Variants in LRP6 observed in about 807,000 individuals in gnomAD.
LRP6 encodes the protein low-density lipoprotein receptor-related protein 6.
LRP6 carries 43 observed loss-of-function variants against 184.1 expected under a neutral mutation model. The ratio of observed to expected loss-of-function variants is 0.23; its 90% confidence interval spans 0.18 to 0.30. LRP6 has a LOEUF of 0.30. LRP6 is among the 10% of genes least tolerant of loss of function. LRP6 has a pLI of 1.00. For synonymous variants in LRP6, 719 were observed against 684.9 expected (o/e 1.05, Z -0.78); for missense variants, 1,571 against 2,005.3 (o/e 0.78, Z 4.14).
intron 3 of LRP6, among the ~76,000 whole-genome samples, chr12:12,202,222 C>T (rs979128602): frequency 2.0e-5 from 3 of 152,232 alleles, no homozygotes; most frequent in Non-Finnish European, 4.4e-5. Flanking sequence ...GAGCAAACTA[C>T]AGCCCACAGG....
intron 1 of LRP6, among the ~76,000 whole-genome samples, chr12:12,249,817 A>G (rs148128597): frequency 4.6e-5 from 7 of 152,274 alleles, no homozygotes; most frequent in African/African-American, 1.4e-4. Flanking sequence ...CTGTCCCTCT[A>G]ACTTTTTGTT....
chr12:12,146,714 A>T (rs1488449713), intron 15 of LRP6, among the ~76,000 whole-genome samples: 1 of 152,226 alleles, frequency 6.6e-6, no homozygotes, highest in African/African-American at 2.4e-5. Context: ...CAGTGACATT[A>T]AAACCATGCT....
At chr12:12,177,592 A>T (rs1863226979) in intron 7 of LRP6, among the ~76,000 whole-genome samples, 1 of 152,164 alleles carries the variant, frequency 6.6e-6, no homozygotes. Flanking sequence ...CAGATTTTAC[A>T]TCAACATAAG....
chr12:12,226,343 G>A (rs1864622811), intron 2 of LRP6, among the ~76,000 whole-genome samples: 1 of 152,162 alleles, frequency 6.6e-6, no homozygotes, highest in Non-Finnish European at 1.5e-5. Flanking sequence ...GACAGAGCAA[G>A]TACCATAACC....
At chr12:12,224,667 T>C (rs1018239273) in intron 2 of LRP6, among the ~76,000 whole-genome samples, 3 of 152,218 alleles carry the variant, frequency 2.0e-5, no homozygotes, top group Non-Finnish European at 4.4e-5. Flanking sequence ...CACTTCAAAC[T>C]TCCTATATAT....
rs373822512 is a variant in LRP6, at chr12:12,254,534, G to A, written c.56-9879C>T. Among the ~76,000 whole-genome samples the A allele has an allele frequency of 2.0e-4, 31 of 152,024 alleles. No homozygotes were observed. The East Asian group carries it at 5.6e-3, about 27-fold the overall frequency. On this transcript the variant is annotated intron_variant, in intron 1 of 22. Coordinates refer to ENST00000261349, the MANE Select transcript of LRP6 (RefSeq NM_002336.3). The stretch of plus-strand genomic sequence containing the variant: ...ATAAACACTTATCTTTTTCTCCCCC[G>A]TCTTACTCCTCCAGAATTCAAAAAC...
In LRP6 at chr12:12,120,409, G is replaced by GA. The variant is rs1486078520; in HGVS notation, c.*716dup. The GA allele has an allele frequency of 1.3e-5, 2 of 152,010 alleles. No homozygotes were observed. The highest frequency in any genetic ancestry group is 2.1e-4 in the South Asian group (1 of 4,820). The allele number at this position is 152,010 out of a possible 1,614,324, so 9.4% of individuals were successfully genotyped here. A position where few individuals can be genotyped will look rare whatever the true frequency, so the allele number is the denominator to read the frequency against. ...AGGCAGCAAGGTAAACATACCTAGAGAAAAAAATTCATTTTGACAGAGGTA... is the reference window on the plus strand; with the variant it reads ...AGGCAGCAAGGTAAACATACCTAGAGAAAAAAAATTCATTTTGACAGAGGTA... On this transcript the variant is annotated 3_prime_UTR_variant, in exon 23 of 23. Transcript: ENST00000261349.
intron 7 of LRP6, among the ~76,000 whole-genome samples, chr12:12,167,058 C>T (rs2136956310): frequency 1.3e-5 from 2 of 152,198 alleles, no homozygotes; most frequent in Admixed American, 1.3e-4. Context: ...ATAATCAAGC[C>T]ACTGTACTCC....
In LRP6 at chr12:12,266,789, G is replaced by T; in HGVS notation, c.-54C>A. The stretch of plus-strand genomic sequence containing the variant: ...CGGCGAGGGGTGGCCAGAAGTGGGG[G>T]AGGCGAGGAGCCGGGGCGGCCGCCG... On this transcript the variant is annotated 5_prime_UTR_variant, in exon 1 of 23. Transcript: ENST00000261349. 1.3e-6 allele frequency: 2 copies of T among 1,482,846 alleles called. No individual in the cohort carries two copies. The highest frequency in any genetic ancestry group is 1.4e-5 in the African/African-American group (1 of 71,686). 91.9% of individuals were successfully genotyped at this position (1,482,846 alleles called of 1,614,324 possible).
intron 19 of LRP6, among the ~76,000 whole-genome samples, chr12:12,127,755 T>TA (rs1171395111): frequency 6.6e-6 from 1 of 152,182 alleles, no homozygotes; most frequent in African/African-American, 2.4e-5. Flanking sequence ...TCTGAACAGT[T>TA]AAATTTTATC....
Position 12,138,520 on chromosome 12 carries a change from C to T in LRP6, c.3412G>A (p.Val1138Ile). 1.9e-6 allele frequency: 3 copies of T among 1,613,596 alleles called. No homozygotes were observed. Among genetic ancestry groups the T allele is most frequent in the Non-Finnish European group, 2.5e-6 (3 of 1,179,598 alleles). ...SSDLSGANRI[V>I]LEDSNILQPV... ...TGCAAGATATTGGAGTCTTCTAATA[C>T]TATCCGGTTAGCACCTTGGAAAAGG... Residue 1138 changes from valine to isoleucine, a missense_variant, in exon 16 of 23, where the codon GTA (valine) becomes ATA (isoleucine). Val to Ile is a conservative substitution (Grantham distance 29). Around this residue, in one of 4 missense-constraint regions of LRP6, gnomAD observed 763 missense variants for 859.5 expected, o/e 0.89. Coordinates refer to ENST00000261349, the MANE Select transcript of LRP6 (RefSeq NM_002336.3).
chr12:12,248,283 C>T (rs1181301270), intron 1 of LRP6, among the ~76,000 whole-genome samples: 3 of 152,058 alleles, frequency 2.0e-5, no homozygotes, highest in African/African-American at 7.2e-5. Flanking sequence ...ATAACCCTAA[C>T]CTTGCTACCA....
chr12:12,207,912 G>A (rs1026366656), intron 2 of LRP6, among the ~76,000 whole-genome samples: 6 of 152,102 alleles, frequency 3.9e-5, no homozygotes, highest in Admixed American at 2.0e-4. Flanking sequence ...AGATAACAGT[G>A]ACACAGAGGC....
chr12:12,121,399 C>T lies in LRP6; in HGVS notation c.4569G>A (p.Arg1523=). The part of the protein sequence containing the change: ...RSYSYRPYSY[R]HFAPPTTPCS... The stretch of plus-strand genomic sequence containing the variant: ...AGGGTGTGGTGGGGGGTGCAAAGTG[C>T]CGGTAGCTATATGGCCTGTAGCTGG... The change falls in exon 23 of 23, where the codon CGG becomes CGA. Residue 1523 remains arginine, a synonymous_variant. Coordinates refer to ENST00000261349, the MANE Select transcript of LRP6 (RefSeq NM_002336.3). 1 of 1,613,976 alleles carries T rather than the reference C, an allele frequency of 6.2e-7. No homozygotes were observed. The highest frequency in any genetic ancestry group is 8.5e-7 in the Non-Finnish European group (1 of 1,179,996).
intron 2 of LRP6, among the ~76,000 whole-genome samples, chr12:12,241,084 C>G (rs571669647): frequency 6.6e-6 from 1 of 152,276 alleles, no homozygotes; most frequent in East Asian, 1.9e-4. Flanking sequence ...ACAAAGAACT[C>G]CATACATCCG....
rs79431840 is a variant in LRP6 at position 12,138,648 on chromosome 12, C to A, written c.3398-114G>T. 3.6e-3 allele frequency: 4,492 copies of A among 1,259,512 alleles called. 98 individuals carry two copies. In the African/African-American group the frequency reaches 0.062, roughly 17 times the overall value. 78.0% of individuals were successfully genotyped at this position (1,259,512 alleles called of 1,614,324 possible). On this transcript the variant is annotated intron_variant, in intron 15 of 22. Transcript: ENST00000261349. ...ACAGGTAGAGAAAAGAAAAAAAAAA[C>A]AAGATCTCTACCACAAAACTTAAAA...
At chr12:12,224,895 CCT>C (rs1864576566) in intron 2 of LRP6, among the ~76,000 whole-genome samples, 1 of 152,162 alleles carries the variant, frequency 6.6e-6, no homozygotes, top group African/African-American at 2.4e-5. Flanking sequence ...TGGATGCCTG[CCT>C]GAATCCAAAT....
At chr12:12,122,573 T>C (rs1161545214) in intron 22 of LRP6, among the ~76,000 whole-genome samples, 1 of 152,180 alleles carries the variant, frequency 6.6e-6, no homozygotes, top group Non-Finnish European at 1.5e-5. Flanking sequence ...TGTTCTACTC[T>C]GTCTCCCCTT....
At chr12:12,125,723 T>C (rs1356769876) in intron 20 of LRP6, among the ~76,000 whole-genome samples, 2 of 152,122 alleles carry the variant, frequency 1.3e-5, no homozygotes, top group African/African-American at 4.8e-5. Flanking sequence ...CTTTTCAACC[T>C]CTTGGAGGAT....
Sources: allele counts gnomAD v4.1 joint callset (sites outside exome capture counted in the v4.1 genomes callset), GRCh38; gene constraint gnomAD v4.1.1; regional missense constraint gnomAD v4.1.1; transcripts MANE v1.5; gene names NCBI Gene and HGNC (gene_info 2026-07-23, HGNC 2026-07-21).